CD47: variants seen among roughly 807,000 people sequenced by gnomAD.
CD47 encodes the protein CD47 molecule.
In CD47, 11 loss-of-function variants were observed where a neutral mutation model predicts 44.6. The observed-to-expected ratio is 0.25, with a 90% CI of 0.16 to 0.41. The LOEUF (loss-of-function observed/expected upper bound fraction) is 0.41, where lower values mean the gene tolerates loss of function less well. Among genes scored for constraint, CD47 ranks in the 10% least tolerant of loss-of-function variants. CD47 has a pLI of 1.00. For missense variants in CD47, 306 were observed against 386.7 expected (o/e 0.79, Z 1.75); for synonymous variants, 140 against 136.3 (o/e 1.03, Z -0.19).
chr3:108,059,493 G>T lies in CD47; in HGVS notation c.650C>A (p.Thr217Lys). Reference sequence around the variant, plus strand: ...GTAGTGAAGTAATATTAATATCCCTGTAGAAGTCACAATTAAACCAAGGCC... The same window carrying T: ...GTAGTGAAGTAATATTAATATCCCTTTAGAAGTCACAATTAAACCAAGGCC... ...ATGLGLIVTS[T>K]GILILLHYYV... is the part of the protein sequence containing the mutation. The change falls in exon 5 of 11, where the codon ACA becomes AAA. Residue 217 changes from threonine (T) to lysine (K), a missense_variant. This residue lies in a region of CD47 where 131 missense variants were observed against 135.3 expected (regional missense o/e 0.97). Coordinates refer to ENST00000361309, the MANE Select transcript of CD47 (RefSeq NM_001777.4). 1 of 1,527,930 alleles carries T rather than the reference G, an allele frequency of 6.5e-7. No homozygotes were observed. The highest frequency in any genetic ancestry group is 8.9e-7 in the Non-Finnish European group (1 of 1,129,770). The allele number at this position is 1,527,930 out of a possible 1,614,324, so 94.6% of individuals were successfully genotyped here.
intron 2 of CD47, among the ~76,000 whole-genome samples, chr3:108,073,722 A>C (rs1391233718): frequency 6.6e-6 from 1 of 152,186 alleles, no homozygotes; most frequent in African/African-American, 2.4e-5. Context: ...GAAGGCTTTA[A>C]ATAGGGAAGA....
At chr3:108,087,581 T>C (rs1223997615) in intron 1 of CD47, among the ~76,000 whole-genome samples, 1 of 152,164 alleles carries the variant, frequency 6.6e-6, no homozygotes, top group Non-Finnish European at 1.5e-5. Flanking sequence ...CTTTGCAAAC[T>C]GCTTGGTGTG....
chr3:108,084,854 C>G (rs189853046), intron 1 of CD47, among the ~76,000 whole-genome samples: 1 of 152,152 alleles, frequency 6.6e-6, no homozygotes, highest in Non-Finnish European at 1.5e-5. Flanking sequence ...GAATTAGACA[C>G]TCATCCTCCC....
chr3:108,050,628 C>A, intron 8 of CD47, 26 bp from the exon 9 acceptor site: 2 of 818,914 alleles, frequency 2.4e-6, no homozygotes, highest in Non-Finnish European at 3.8e-6. Context: ...AATATATTTA[C>A]ATAAAAATAT....
At chr3:108,049,591 A>T (rs1285860528) in intron 10 of CD47, 28 bp downstream of exon 10, 1 of 1,404,654 alleles carries the variant, frequency 7.1e-7, no homozygotes, top group Admixed American at 1.7e-5. Context: ...TAACTGATCT[A>T]TAATTATTAA....
intron 10 of CD47, 63 bp from the exon 11 acceptor site, chr3:108,047,355 T>C (rs925394154): frequency 2.9e-5 from 39 of 1,360,676 alleles, no homozygotes; most frequent in East Asian, 9.3e-5. Context: ...CATTAAAAAG[T>C]TGACACATTA....
intron 7 of CD47, chr3:108,052,587 A>G (rs1349069484): frequency 1.3e-5 from 2 of 152,352 alleles, no homozygotes; most frequent in African/African-American, 4.8e-5. Flanking sequence ...AATACAGTAC[A>G]TGAGCAAAGT....
intron 1 of CD47, among the ~76,000 whole-genome samples, chr3:108,083,322 A>G (rs2079452725): frequency 6.6e-6 from 1 of 152,064 alleles, no homozygotes; most frequent in South Asian, 2.1e-4. Flanking sequence ...ACCATCTCAT[A>G]TCATAGTCTA....
chr3:108,077,279 C>T (rs1211443881), intron 2 of CD47, among the ~76,000 whole-genome samples: 1 of 152,118 alleles, frequency 6.6e-6, no homozygotes, highest in Non-Finnish European at 1.5e-5. Flanking sequence ...TAGAAAAGAA[C>T]TTATACTCCA....
chr3:108,064,620 T>C (rs530369863), intron 3 of CD47, among the ~76,000 whole-genome samples: 5 of 152,292 alleles, frequency 3.3e-5, no homozygotes, highest in African/African-American at 1.2e-4. Flanking sequence ...CACACCCATA[T>C]AGGCTCACAC....
intron 10 of CD47, 116 bp from the exon 11 acceptor site, chr3:108,047,408 G>A (rs778606995): frequency 4.8e-6 from 3 of 631,134 alleles, no homozygotes; most frequent in Non-Finnish European, 7.8e-6. Context: ...TAAGAAAATA[G>A]ACCTGCAAAG....
chr3:108,048,675 C>T (rs1047160490), intron 10 of CD47, among the ~76,000 whole-genome samples: 2 of 152,186 alleles, frequency 1.3e-5, no homozygotes, highest in South Asian at 2.1e-4. Context: ...TGAGCCACCG[C>T]GCCCGGCCGA....
rs1443414082 is a variant in CD47, at chr3:108,051,864, T to C, written c.909+75A>G. 7.3e-6 allele frequency: 8 copies of C among 1,095,956 alleles called. No individual in the cohort carries two copies. In the Admixed American group the frequency reaches 1.2e-4, roughly 16 times the overall value. 67.9% of individuals were successfully genotyped at this position (1,095,956 alleles called of 1,614,324 possible). The stretch of plus-strand genomic sequence containing the variant: ...ACGTGAGACAAAACAGATAGCAAAA[T>C]ATCTCAATTACCAAGTTCCTCAGTC... On this transcript the variant is annotated intron_variant, in intron 8 of 10. Coordinates refer to ENST00000361309, the MANE Select transcript of CD47 (RefSeq NM_001777.4).
intron 1 of CD47, among the ~76,000 whole-genome samples, chr3:108,090,546 G>A (rs1006353101): frequency 1.1e-4 from 16 of 152,228 alleles, no homozygotes; most frequent in African/African-American, 3.9e-4. Context: ...TTTCTTGCTA[G>A]TTAATTTTTG....
chr3:108,051,936 T>C lies in CD47; in HGVS notation c.909+3A>G. 6.7e-7 allele frequency: 1 copy of C among 1,499,144 alleles called. No individual in the cohort carries two copies. Among genetic ancestry groups the C allele is most frequent in the Non-Finnish European group, 9.3e-7 (1 of 1,077,998 alleles). The allele number at this position is 1,499,144 out of a possible 1,614,324, so 92.9% of individuals were successfully genotyped here. ...ACAATTCATTTAATAAACTTTAACT[T>C]ACCCTAGGAGGTTGTATAGTCTTCT... On this transcript the variant is annotated splice_donor_region_variant and intron_variant, in intron 8 of 10. Transcript: ENST00000361309.
Position 108,057,564 on chromosome 3 carries a change from T to G in CD47, c.790A>C (p.Ile264Leu), listed in dbSNP as rs1391165852. 6.7e-7 allele frequency: 1 copy of G among 1,482,388 alleles called. No individual in the cohort carries two copies. The highest frequency in any genetic ancestry group is 2.3e-5 in the East Asian group (1 of 44,076). 91.8% of individuals were successfully genotyped at this position (1,482,388 alleles called of 1,614,324 possible). The change falls in exon 7 of 11, where the codon ATA becomes CTA. Residue 264 changes from isoleucine to leucine, a missense_variant. By Grantham distance (5) the Ile-to-Leu change is conservative (BLOSUM62 2). Transcript: ENST00000361309. The part of the protein sequence containing the change: ...VGLSLCIAAC[I>L]PMHGPLLISG... ...ATCAGAAGAGGGCCATGCATTGGTA[T>G]ACACGCTGTAAAAACAAATAAAATT...
intron 3 of CD47, among the ~76,000 whole-genome samples, chr3:108,065,874 T>A (rs1015231592): frequency 2.7e-5 from 4 of 149,066 alleles, no homozygotes; most frequent in Non-Finnish European, 5.9e-5. Flanking sequence ...TAACAAAGTC[T>A]TATTACCAGG....
Position 108,043,764 on chromosome 3 carries a change from C to A in CD47, c.*3524G>T, listed in dbSNP as rs1038361290. 39 of 152,582 alleles carry A rather than the reference C, an allele frequency of 2.6e-4. No homozygotes were observed. Among genetic ancestry groups the A allele is most frequent in the African/African-American group, 9.4e-4 (39 of 41,442 alleles). 9.5% of individuals were successfully genotyped at this position (152,582 alleles called of 1,614,324 possible). On this transcript the variant is annotated 3_prime_UTR_variant, in exon 11 of 11. Transcript: ENST00000361309. ...TGTTGTCTTACAGAGGAGCTTAGTA[C>A]AAATGCTTTCTTTTTTTCAAAAAGA... is the stretch of plus-strand genomic sequence containing the variant.
chr3:108,074,731 T>G (rs2079275952), intron 2 of CD47, among the ~76,000 whole-genome samples: 3 of 146,226 alleles, frequency 2.1e-5, no homozygotes, highest in African/African-American at 5.1e-5. Flanking sequence ...GGGCACACAA[T>G]GGAGAAGGGC....
Sources: allele counts gnomAD v4.1 joint callset (sites outside exome capture counted in the v4.1 genomes callset), GRCh38; gene constraint gnomAD v4.1.1; regional missense constraint gnomAD v4.1.1; transcripts MANE v1.5; gene names NCBI Gene and HGNC (gene_info 2026-07-23, HGNC 2026-07-21).